Variants in NKAIN2 observed in about 807,000 individuals in gnomAD.
The protein encoded by NKAIN2 is sodium/potassium transporting ATPase interacting 2, also known as sodium/potassium-transporting ATPase subunit beta-1-interacting protein 2.
A neutral mutation model predicts 32.6 loss-of-function variants in NKAIN2; 14 were observed. The ratio of observed to expected loss-of-function variants is 0.43; its 90% CI spans 0.28 to 0.67. NKAIN2 has a LOEUF of 0.67. Among genes scored for constraint, NKAIN2 ranks in the 30% least tolerant of loss-of-function variants. The pLI, the probability that NKAIN2 is intolerant of heterozygous loss-of-function variation, is 0.17. For missense variants in NKAIN2, 198 were observed against 258.3 expected, an observed-to-expected ratio of 0.77 and a Z score of 1.60; for synonymous variants, 80 against 87.2, an observed-to-expected ratio of 0.92 and a Z score of 0.46.
At chr6:124,265,510 A>C (rs1178479290) in intron 1 of NKAIN2, among the ~76,000 whole-genome samples, 1 of 152,238 alleles carries the variant, frequency 6.6e-6, no homozygotes, top group Non-Finnish European at 1.5e-5. Flanking sequence ...TGAAACAAAT[A>C]GCCTAAAATT....
intron 3 of NKAIN2, among the ~76,000 whole-genome samples, chr6:124,483,264 T>A (rs989025534): frequency 3.9e-5 from 6 of 152,160 alleles, no homozygotes. Flanking sequence ...CCAACATCAC[T>A]CCATAAGTCA....
At chr6:123,810,517 G>A (rs1033088545) in intron 1 of NKAIN2, among the ~76,000 whole-genome samples, 7 of 152,248 alleles carry the variant, frequency 4.6e-5, no homozygotes, top group Admixed American at 2.0e-4. Flanking sequence ...GAATCTCCTC[G>A]CTGCAGAGCA....
At chr6:124,081,561 ATACAT>A (rs1379104054) in intron 1 of NKAIN2, among the ~76,000 whole-genome samples, 2 of 152,244 alleles carry the variant, frequency 1.3e-5, no homozygotes, top group East Asian at 3.9e-4. Context: ...TCTCTACCAG[ATACAT>A]TTTGCAAAAG....
intron 1 of NKAIN2, among the ~76,000 whole-genome samples, chr6:123,926,958 C>T (rs923074248): frequency 6.6e-6 from 1 of 152,116 alleles, no homozygotes; most frequent in Admixed American, 6.5e-5. Flanking sequence ...ATTCTTCTTC[C>T]TAGGAACAAG....
intron 5 of NKAIN2, among the ~76,000 whole-genome samples, chr6:124,795,271 T>G (rs1428505103): frequency 1.3e-5 from 2 of 152,188 alleles, no homozygotes; most frequent in East Asian, 1.9e-4. Context: ...TAAGTCAACA[T>G]GAAGCTGATC....
At chr6:124,482,403 A>G (rs1777490096) in intron 3 of NKAIN2, among the ~76,000 whole-genome samples, 5 of 152,220 alleles carry the variant, frequency 3.3e-5, no homozygotes. Context: ...TTGGATTTCT[A>G]CTGTGTTCAA....
At chr6:124,349,148 G>A (rs1798593911) in intron 2 of NKAIN2, among the ~76,000 whole-genome samples, 1 of 152,126 alleles carries the variant, frequency 6.6e-6, no homozygotes, top group African/African-American at 2.4e-5. Context: ...ACATATTGTA[G>A]GGTGAGTAGG....
intron 4 of NKAIN2, among the ~76,000 whole-genome samples, chr6:124,666,093 G>A (rs972895): frequency 0.44 from 67,537 of 151,970 alleles, 15,469 homozygotes; most frequent in African/African-American, 0.56. Context: ...CATGGCTTCA[G>A]TTATGCCTAC....
intron 1 of NKAIN2, among the ~76,000 whole-genome samples, chr6:124,208,386 A>G (rs989337366): frequency 1.3e-5 from 2 of 151,728 alleles, no homozygotes; most frequent in Admixed American, 6.6e-5. Context: ...TATAAACCCA[A>G]CATTTTTCGG....
chr6:123,920,779 A>G (rs189082298), intron 1 of NKAIN2, among the ~76,000 whole-genome samples: 1 of 152,348 alleles, frequency 6.6e-6, no homozygotes, highest in Non-Finnish European at 1.5e-5. Flanking sequence ...AGATGATTGT[A>G]ATGGACAAAA....
In NKAIN2 at chr6:124,099,336, A is replaced by G. The variant is rs1265635086; in HGVS notation, c.55-183669A>G. Among the ~76,000 whole-genome samples the G allele has an allele frequency of 4.6e-5, 7 of 152,292 alleles. No homozygotes were observed. In the East Asian group the frequency reaches 1.2e-3, roughly 25 times the overall value. ...GGAATTTAAGTAACATAAATTCACAATTACACAGCTTCTAGATGTTAAAAA... is the reference window on the plus strand; with the variant it reads ...GGAATTTAAGTAACATAAATTCACAGTTACACAGCTTCTAGATGTTAAAAA... On this transcript the variant is annotated intron_variant, in intron 1 of 6. Coordinates refer to ENST00000368417, the MANE Select transcript of NKAIN2 (RefSeq NM_001040214.3).
chr6:124,538,075 A>G (rs904980869), intron 3 of NKAIN2, among the ~76,000 whole-genome samples: 3 of 152,026 alleles, frequency 2.0e-5, no homozygotes, highest in South Asian at 4.1e-4. Flanking sequence ...TTATGGCTGT[A>G]TTTTCACTAA....
intron 3 of NKAIN2, among the ~76,000 whole-genome samples, chr6:124,544,327 A>T (rs1780014866): frequency 6.9e-6 from 1 of 145,122 alleles, no homozygotes; most frequent in Non-Finnish European, 1.6e-5. Context: ...TCCCAACTAG[A>T]TCTCCAACCA....
At chr6:124,402,363 G>A (rs576972971) in intron 3 of NKAIN2, among the ~76,000 whole-genome samples, 1 of 152,288 alleles carries the variant, frequency 6.6e-6, no homozygotes, top group East Asian at 1.9e-4. Context: ...GACTGCCTCA[G>A]TACCATGTCC....
intron 1 of NKAIN2, among the ~76,000 whole-genome samples, chr6:124,065,949 T>C (rs1387515164): frequency 6.6e-6 from 1 of 152,192 alleles, no homozygotes; most frequent in East Asian, 1.9e-4. Flanking sequence ...TCTACAGTTA[T>C]ATACATAACT....
At chr6:123,846,753 G>A (rs1166201313) in intron 1 of NKAIN2, among the ~76,000 whole-genome samples, 1 of 152,014 alleles carries the variant, frequency 6.6e-6, no homozygotes, top group East Asian at 1.9e-4. Flanking sequence ...TGATGAGGGC[G>A]CTAATGAAGA....
intron 3 of NKAIN2, among the ~76,000 whole-genome samples, chr6:124,557,665 T>G (rs1263408264): frequency 6.6e-6 from 1 of 152,230 alleles, no homozygotes; most frequent in Non-Finnish European, 1.5e-5. Flanking sequence ...TATTATTTAC[T>G]TTGCTTCTCC....
chr6:123,914,222 A>AGG (rs1391526883), intron 1 of NKAIN2, among the ~76,000 whole-genome samples: 1 of 151,832 alleles, frequency 6.6e-6, no homozygotes, highest in African/African-American at 2.4e-5. Context: ...GACGAGAGAG[A>AGG]GAGAGACAGA....
At chr6:123,811,600 A>G (rs887369446) in intron 1 of NKAIN2, among the ~76,000 whole-genome samples, 4 of 100,372 alleles carry the variant, frequency 4.0e-5, no homozygotes, top group African/African-American at 1.2e-4. Flanking sequence ...TCCTCATTTG[A>G]AAAATAGGGC....
Sources: allele counts gnomAD v4.1 joint callset (sites outside exome capture counted in the v4.1 genomes callset), GRCh38; gene constraint gnomAD v4.1.1; transcripts MANE v1.5; gene names NCBI Gene and HGNC (gene_info 2026-07-23, HGNC 2026-07-21).